HHATL: variants seen among roughly 807,000 people sequenced by gnomAD.
HHATL encodes the protein hedgehog acyltransferase like, also known as protein-cysteine N-palmitoyltransferase HHAT-like protein.
Under a neutral mutation model 59.7 loss-of-function variants are expected in HHATL, and 49 were observed. The ratio of observed to expected loss-of-function variants is 0.82; its 90% CI spans 0.65 to 1.04. The LOEUF is 1.04. Ranked by LOEUF, HHATL falls within the 50% of genes least tolerant of loss-of-function variation. The pLI, the probability that HHATL is intolerant of heterozygous loss-of-function variation, is 0.00. For missense variants in HHATL, 605 were observed against 650.8 expected (o/e 0.93, Z 0.77); for synonymous variants, 238 against 257.3 (o/e 0.93, Z 0.72).
In HHATL at chr3:42,698,782, G is replaced by C; in HGVS notation, c.409C>G (p.Gln137Glu). 1 of 1,612,792 alleles carries C rather than the reference G, an allele frequency of 6.2e-7. No individual in the cohort carries two copies. The change falls in exon 5 of 12, where the codon CAG becomes GAG. Residue 137 changes from glutamine to glutamate, a missense_variant. Coordinates refer to ENST00000441594, the MANE Select transcript of HHATL (RefSeq NM_020707.4). ...CCAAGGCCAAGACAGAGCCAGGGCTGGCCCAAAAGCGAGGCCACATAGAGG... is the reference window on the plus strand; with the variant it reads ...CCAAGGCCAAGACAGAGCCAGGGCTCGCCCAAAAGCGAGGCCACATAGAGG... ...VGLYVASLLG[Q>E]PWLCLGLGLA... is the part of the protein sequence containing the mutation.
At chr3:42,693,562 G>T in intron 10 of HHATL, 55 bp downstream of exon 10, 2 of 1,457,264 alleles carry the variant, frequency 1.4e-6, no homozygotes, top group Non-Finnish European at 1.9e-6. Flanking sequence ...AAGCAGCAGT[G>T]CCCCCCCGCC....
chr3:42,698,436 A>C, intron 5 of HHATL, 85 bp from the exon 6 acceptor site: 3 of 1,309,422 alleles, frequency 2.3e-6, no homozygotes, highest in Non-Finnish European at 2.1e-6. Flanking sequence ...AGCTTCCCAC[A>C]GGGGCCCAGC....
chr3:42,700,783 T>A lies in HHATL; in HGVS notation c.44A>T (p.Tyr15Phe). The A allele has an allele frequency of 6.2e-7, 1 of 1,613,326 alleles. No homozygotes were observed. The highest frequency in any genetic ancestry group is 1.3e-5 in the African/African-American group (1 of 74,816). The change falls in exon 2 of 12, where the codon TAC becomes TTC. Residue 15 changes from tyrosine to phenylalanine, a missense_variant. Tyr to Phe is a conservative substitution (Grantham distance 22). Coordinates refer to ENST00000441594, the MANE Select transcript of HHATL (RefSeq NM_020707.4). ...TALPAAELGL[Y>F]SLVLSGALAY... ...CAGGGCCCCACTCAGCACCAGAGAG[T>A]AGAGGCCCAGCTCAGCCGCCGGCAA...
intron 6 of HHATL, 129 bp downstream of exon 6, chr3:42,698,013 G>C: frequency 3.0e-6 from 3 of 1,001,258 alleles, no homozygotes; most frequent in Non-Finnish European, 4.5e-6. Flanking sequence ...GGGGAGACAC[G>C]GCTTCATCCT....
chr3:42,694,196 G>A (rs528724126), intron 9 of HHATL: 17 of 240,514 alleles, frequency 7.1e-5, no homozygotes, highest in Middle Eastern at 1.5e-3. Flanking sequence ...ACCCAGCTCC[G>A]TCCTCATCTC....
intron 3 of HHATL, among the ~76,000 whole-genome samples, chr3:42,699,466 C>T (rs1032305904): frequency 2.6e-5 from 4 of 152,070 alleles, no homozygotes; most frequent in South Asian, 2.1e-4. Flanking sequence ...CCCTCTCCTC[C>T]GCACGTTGCC....
chr3:42,692,996 A>G (rs1697418726), intron 11 of HHATL, 81 bp downstream of exon 11: 2 of 1,591,852 alleles, frequency 1.3e-6, no homozygotes, highest in African/African-American at 1.3e-5. Flanking sequence ...GTGATGAGGG[A>G]GATAGGAGGC....
In HHATL at chr3:42,698,365, G is replaced by A; in HGVS notation, c.484-14C>T. 2.5e-6 allele frequency: 4 copies of A among 1,606,354 alleles called. No individual in the cohort carries two copies. The highest frequency in any genetic ancestry group is 2.2e-5 in the East Asian group (1 of 44,728). On this transcript the variant is annotated splice_polypyrimidine_tract_variant and intron_variant, in intron 5 of 11. Coordinates refer to ENST00000441594, the MANE Select transcript of HHATL (RefSeq NM_020707.4). ...TACAAACCCGCTCTGGAGGGGGAAA[G>A]AACAGGCCACCAGCTCACTAGGGTG...
intron 9 of HHATL, among the ~76,000 whole-genome samples, chr3:42,694,617 C>G (rs1697520474): frequency 6.6e-6 from 1 of 152,204 alleles, no homozygotes; most frequent in African/African-American, 2.4e-5. Flanking sequence ...CCTTCCTGAC[C>G]AAATCAGCCA....
intron 9 of HHATL, among the ~76,000 whole-genome samples, chr3:42,696,200 G>T (rs903025178): frequency 2.0e-5 from 3 of 152,112 alleles, no homozygotes; most frequent in African/African-American, 4.8e-5. Flanking sequence ...GGTGGCACAT[G>T]ACCTTGATTC....
chr3:42,693,865 A>T, intron 9 of HHATL, 47 bp from the exon 10 acceptor site: 1 of 1,524,496 alleles, frequency 6.6e-7, no homozygotes, highest in Non-Finnish European at 9.1e-7. Flanking sequence ...GGGAAAGGGC[A>T]GGGATGAGAT....
rs759552055 is a variant in HHATL at position 42,697,681 on chromosome 3, T to TG, written c.694-3dup. 1 of 1,612,374 alleles carries TG rather than the reference T, an allele frequency of 6.2e-7. No homozygotes were observed. Among genetic ancestry groups the TG allele is most frequent in the South Asian group, 1.1e-5 (1 of 90,986 alleles). ...TCTCACTGGCTCCACCTGGCTCACCTGGGGGGATGCGAAGGGTCTGAGGGA... is the reference window on the plus strand; with the variant it reads ...TCTCACTGGCTCCACCTGGCTCACCTGGGGGGGATGCGAAGGGTCTGAGGGA... On this transcript the variant is annotated splice_polypyrimidine_tract_variant and splice_region_variant and intron_variant, in intron 6 of 11. Transcript: ENST00000441594.
At chr3:42,697,772 G>C (rs1697702814) in intron 6 of HHATL, 93 bp from the exon 7 acceptor site, 24 of 1,329,940 alleles carry the variant, frequency 1.8e-5, no homozygotes, top group Non-Finnish European at 2.5e-5. Context: ...GGCAGGAGGA[G>C]CCATGGCTTT....
intron 1 of HHATL, 148 bp downstream of exon 1, chr3:42,702,431 G>T (rs553882414): frequency 2.6e-5 from 4 of 152,554 alleles, no homozygotes; most frequent in Admixed American, 6.5e-5. Context: ...TGTGGACACG[G>T]GGGCATACCC....
intron 5 of HHATL, 148 bp from the exon 6 acceptor site, chr3:42,698,499 T>C (rs941410108): frequency 4.2e-6 from 4 of 955,018 alleles, no homozygotes; most frequent in Non-Finnish European, 6.2e-6. Context: ...GCCACTGCTC[T>C]ATCCCAGCAA....
rs2125854733 is a variant in HHATL, at chr3:42,698,195, G to C, written c.640C>G (p.Leu214Val). The C allele has an allele frequency of 6.2e-7, 1 of 1,614,234 alleles. No homozygotes were observed. Among genetic ancestry groups the C allele is most frequent in the East Asian group, 2.2e-5 (1 of 44,882 alleles). Reference protein sequence around the residue: ...LADLLKYNFYLPFFFFGPIMT... With the variant: ...LADLLKYNFYVPFFFFGPIMT... Reference sequence around the variant, plus strand: ...ATGGGCCCGAAGAAGAAGAAGGGCAGGTAGAAGTTGTACTTGAGCAGGTCA... The same window carrying C: ...ATGGGCCCGAAGAAGAAGAAGGGCACGTAGAAGTTGTACTTGAGCAGGTCA... The change falls in exon 6 of 12, where the codon CTG (leucine) becomes GTG (valine). Residue 214 changes from leucine (L) to valine (V), a missense_variant. Physicochemically the swap from Leu to Val is conservative, Grantham distance 32. Transcript: ENST00000441594.
chr3:42,701,857 G>A lies in HHATL; in HGVS notation c.-14+722C>T, dbSNP rs953430143. On this transcript the variant is annotated intron_variant, in intron 1 of 11. Transcript: ENST00000441594. This position sits in a 1 kb window ranked among gnomAD's most constrained non-coding sequence, Gnocchi z 5.1. The stretch of plus-strand genomic sequence containing the variant: ...ATGTCCAGGCAACTCTTGGGCTGAC[G>A]GGGCCAAGAGGTGGCTGATGTGGCC... Among the ~76,000 whole-genome samples, 5 of 152,226 alleles carry A rather than the reference G, an allele frequency of 3.3e-5. No homozygotes were observed. Among genetic ancestry groups the A allele is most frequent in the Admixed American group, 6.5e-5 (1 of 15,290 alleles).
Position 42,692,878 on chromosome 3 carries a change from G to T in HHATL, c.1391-3C>A. On this transcript the variant is annotated splice_region_variant and splice_polypyrimidine_tract_variant and intron_variant, in intron 11 of 11. Coordinates refer to ENST00000441594, the MANE Select transcript of HHATL (RefSeq NM_020707.4). ...GGACAGCGTGGTCTGGGGGAACCCT[G>T]TGTGGGGAGGGAGTCATAGATGCTC... The T allele has an allele frequency of 6.2e-7, 1 of 1,614,008 alleles. No homozygotes were observed. Among genetic ancestry groups the T allele is most frequent in the East Asian group, 2.2e-5 (1 of 44,880 alleles).
chr3:42,693,371 A>G lies in HHATL; in HGVS notation c.1249-153T>C, dbSNP rs148117407. ...GGTCAGCTCTCCCTCCTTGTTAAAC[A>G]TGGGGAAACAGGTCCAGAGAGAGGA... On this transcript the variant is annotated intron_variant, in intron 10 of 11. Transcript: ENST00000441594. 1.0e-4 allele frequency: 99 copies of G among 969,594 alleles called. No individual in the cohort carries two copies. In the African/African-American group the frequency reaches 1.5e-3, roughly 14 times the overall value. 60.1% of individuals were successfully genotyped at this position (969,594 alleles called of 1,614,324 possible). A position where few individuals can be genotyped will look rare whatever the true frequency, so the allele number is the denominator to read the frequency against.
Sources: allele counts gnomAD v4.1 joint callset (sites outside exome capture counted in the v4.1 genomes callset), GRCh38; gene constraint gnomAD v4.1.1; non-coding constraint Gnocchi (gnomAD v3.1); transcripts MANE v1.5; gene names NCBI Gene and HGNC (gene_info 2026-07-23, HGNC 2026-07-21).